Variants in SIGLEC1 observed in about 807,000 individuals in gnomAD.
SIGLEC1 encodes sialic acid binding Ig like lectin 1.
Under a neutral mutation model 148.0 loss-of-function variants are expected in SIGLEC1, and 132 were observed. The observed-to-expected ratio is 0.89, with a 90% CI of 0.77 to 1.03. The LOEUF (loss-of-function observed/expected upper bound fraction) is 1.03, where lower values mean the gene tolerates loss of function less well. Among genes scored for constraint, SIGLEC1 ranks in the 50% least tolerant of loss-of-function variants. The pLI is 0.00. For synonymous variants in SIGLEC1, 945 were observed against 969.0 expected (o/e 0.98, Z 0.46); for missense variants, 2,253 against 2,271.4 (o/e 0.99, Z 0.16).
At chr20:3,688,941 C>T (rs1278807975) in intron 21 of SIGLEC1, 1 of 611,238 alleles carries the variant, frequency 1.6e-6, no homozygotes, top group African/African-American at 1.9e-5. Context: ...TCCCCTAGTC[C>T]TCTAAGCCAG....
intron 19 of SIGLEC1, 36 bp downstream of exon 19, chr20:3,689,926 C>T: frequency 6.4e-7 from 1 of 1,560,634 alleles, no homozygotes; most frequent in Non-Finnish European, 8.8e-7. Flanking sequence ...GGCTTTTGTG[C>T]AGAGTGGCCT....
chr20:3,690,739 A>G (rs1457294144), intron 18 of SIGLEC1, among the ~76,000 whole-genome samples: 3 of 151,956 alleles, frequency 2.0e-5, no homozygotes, highest in Non-Finnish European at 4.4e-5. Context: ...TGAAGGCTGG[A>G]GTGGGAGACC....
rs938400146 is a variant in SIGLEC1 at position 3,693,841 on chromosome 20, T to C, written c.3257-143A>G. On this transcript the variant is annotated intron_variant, in intron 13 of 21. Coordinates refer to ENST00000344754, the MANE Select transcript of SIGLEC1 (RefSeq NM_023068.4). The stretch of plus-strand genomic sequence containing the variant: ...GCCTTGGGTGGCCCACCTATAAATG[T>C]GGCTTAGAAGTCAAGCTTGGGAATA... 7 of 855,232 alleles carry C rather than the reference T, an allele frequency of 8.2e-6. No homozygotes were observed. The African/African-American group carries it at 1.0e-4, about 12-fold the overall frequency. 53.0% of individuals were successfully genotyped at this position (855,232 alleles called of 1,614,324 possible).
rs752719528 is a variant in SIGLEC1, at chr20:3,693,672, C to T, written c.3283G>A (p.Ala1095Thr). The stretch of plus-strand genomic sequence containing the variant: ...ACCAGCTGCCCCTCCCGCACGGTAG[C>T]CCCGGGCCACACCTGCACATTCACA... ...QAVNVQVWPG[A>T]TVREGQLVNL... Residue 1095 changes from alanine to threonine, a missense_variant, in exon 14 of 22, where the codon GCT (alanine) becomes ACT (threonine). By Grantham distance (58) the Ala-to-Thr change is moderately conservative. Coordinates refer to ENST00000344754, the MANE Select transcript of SIGLEC1 (RefSeq NM_023068.4). 3.1e-6 allele frequency: 5 copies of T among 1,598,554 alleles called. No individual in the cohort carries two copies. The South Asian group carries it at 4.6e-5, about 15-fold the overall frequency.
chr20:3,706,160 C>G, intron 3 of SIGLEC1, 120 bp from the exon 4 acceptor site: 1 of 1,296,376 alleles, frequency 7.7e-7, no homozygotes, highest in Non-Finnish European at 1.1e-6. Context: ...AGGAAAGACG[C>G]TTTCTACTCC....
chr20:3,690,146 A>G lies in SIGLEC1; in HGVS notation c.4710T>C (p.Ser1570=). Residue 1570 remains serine (S), a synonymous_variant, in exon 19 of 22, where the codon AGT becomes AGC. Transcript: ENST00000344754. ...GGGGCTGACTGGAGGCCACCAGTCG[A>G]CTGCCAAGGTGGAGAGTCAGGCTGG... ...PLASLTLHLG[S]RLVASSQPQG... is the part of the protein sequence containing the mutation. 6.2e-7 allele frequency: 1 copy of G among 1,602,634 alleles called. No homozygotes were observed. The highest frequency in any genetic ancestry group is 1.3e-5 in the African/African-American group (1 of 74,834).
chr20:3,694,517 A>G lies in SIGLEC1; in HGVS notation c.2960T>C (p.Val987Ala). The part of the protein sequence containing the change: ...SLHVSYAPRH[V>A]TLTTLMDTGP... ...TGTGTCCATCAGGGTAGTGAGTGTGACGTGGCGTGGGGCATCTACACAGGG... is the reference window on the plus strand; with the variant it reads ...TGTGTCCATCAGGGTAGTGAGTGTGGCGTGGCGTGGGGCATCTACACAGGG... The change falls in exon 13 of 22, where the codon GTC (valine) becomes GCC (alanine). Residue 987 changes from valine (V) to alanine (A), a missense_variant. By Grantham distance (64) the Val-to-Ala change is moderately conservative. Transcript: ENST00000344754. 1.3e-6 allele frequency: 2 copies of G among 1,561,626 alleles called. No homozygotes were observed. Among genetic ancestry groups the G allele is most frequent in the Non-Finnish European group, 1.7e-6 (2 of 1,150,786 alleles).
chr20:3,691,529 G>C lies in SIGLEC1; in HGVS notation c.4402C>G (p.Leu1468Val). The change falls in exon 18 of 22, where the codon CTG becomes GTG. Residue 1468 changes from leucine (L) to valine (V), a missense_variant. By Grantham distance (32) the Leu-to-Val change is conservative. Coordinates refer to ENST00000344754, the MANE Select transcript of SIGLEC1 (RefSeq NM_023068.4). ...TTGCCCACAGGCCCAGGGCCACCCA[G>C]GAGGCGGCAGCTGAGGTTCAGGGCA... is the stretch of plus-strand genomic sequence containing the variant. ...GAALNLSCRL[L>V]GGPGPVGNST... 1 of 1,613,236 alleles carries C rather than the reference G, an allele frequency of 6.2e-7. No individual in the cohort carries two copies. Among genetic ancestry groups the C allele is most frequent in the Non-Finnish European group, 8.5e-7 (1 of 1,179,994 alleles).
Position 3,693,377 on chromosome 20 carries a change from CG to C in SIGLEC1, c.3508+69del, listed in dbSNP as rs371037207. Reference sequence around the variant, plus strand: ...TCCCCACTGGACACCTGTCGGGTTCCGGCCATGCCGTGATCCCTGTGGGCTT... The same window carrying C: ...TCCCCACTGGACACCTGTCGGGTTCCGCCATGCCGTGATCCCTGTGGGCTT... On this transcript the variant is annotated intron_variant, in intron 14 of 21. Coordinates refer to ENST00000344754, the MANE Select transcript of SIGLEC1 (RefSeq NM_023068.4). 1.1e-4 allele frequency: 157 copies of C among 1,488,508 alleles called. No homozygotes were observed. The African/African-American group carries it at 1.3e-3, about 12-fold the overall frequency. The allele number at this position is 1,488,508 out of a possible 1,614,324, so 92.2% of individuals were successfully genotyped here. A position where few individuals can be genotyped will look rare whatever the true frequency, so the allele number is the denominator to read the frequency against.
At position 3,705,143 on chromosome 20, in the gene SIGLEC1, T is replaced by C. The variant is rs904502558; in HGVS notation, c.706+601A>G. 9.9e-5 allele frequency among the ~76,000 whole-genome samples: 15 copies of C among 152,128 alleles called. 1 individual carries two copies. The highest frequency in any genetic ancestry group is 8.3e-4 in the South Asian group (4 of 4,822). Reference sequence around the variant, plus strand: ...TCCTTAGTAACTGGGATTACAGGCATATGCCACCACACCCGGCTAATTTTT... The same window carrying C: ...TCCTTAGTAACTGGGATTACAGGCACATGCCACCACACCCGGCTAATTTTT... On this transcript the variant is annotated intron_variant, in intron 4 of 21. Transcript: ENST00000344754.
At position 3,694,369 on chromosome 20, in the gene SIGLEC1, G is replaced by C. The variant is rs760941079; in HGVS notation, c.3108C>G (p.Gly1036=). Residue 1036 remains glycine, a synonymous_variant, in exon 13 of 22, where the codon GGC becomes GGG. Coordinates refer to ENST00000344754, the MANE Select transcript of SIGLEC1 (RefSeq NM_023068.4). ...STLQGVGGPE[G]SSPRLHVAVA... ...CAGCCACATGCAGCCTGGGAGAGCT[G>C]CCTTCGGGTCCCCCCACACCTTGTA... 2 of 1,613,276 alleles carry C rather than the reference G, an allele frequency of 1.2e-6. No homozygotes were observed. Among genetic ancestry groups the C allele is most frequent in the Admixed American group, 3.3e-5 (2 of 60,028 alleles).
intron 9 of SIGLEC1, among the ~76,000 whole-genome samples, 163 bp from the exon 10 acceptor site, chr20:3,697,505 T>C (rs2146524749): frequency 6.6e-6 from 1 of 152,004 alleles, no homozygotes; most frequent in African/African-American, 2.4e-5. Context: ...AAGTGGGCCC[T>C]GGGGACTGTG....
rs779555603 is a variant in SIGLEC1, at chr20:3,706,705, G to A, written c.51C>T (p.Gly17=). 1.2e-4 allele frequency: 185 copies of A among 1,537,370 alleles called. No individual in the cohort carries two copies. The highest frequency in any genetic ancestry group is 1.6e-4 in the Non-Finnish European group (178 of 1,136,326). The part of the protein sequence containing the change: ...LLLLASFFPA[G]QASWGVSSPQ... ...GACTGGAGACGCCCCATGAGGCCTG[G>A]CCTGGGGGAAGAACGGCAGGGGGAC... The change falls in exon 3 of 22, where the codon GGC becomes GGT. Residue 17 remains glycine, a splice_region_variant and synonymous_variant. Coordinates refer to ENST00000344754, the MANE Select transcript of SIGLEC1 (RefSeq NM_023068.4).
chr20:3,703,089 GT>G, intron 6 of SIGLEC1, 107 bp downstream of exon 6: 6 of 1,394,838 alleles, frequency 4.3e-6, no homozygotes, highest in Non-Finnish European at 5.0e-6. Flanking sequence ...CCACCTCCAG[GT>G]AAGTGGCCTT....
rs377572330 is a variant in SIGLEC1, at chr20:3,691,609, G to A, written c.4331-9C>T. The A allele has an allele frequency of 3.0e-5, 49 of 1,609,318 alleles. No homozygotes were observed. Among genetic ancestry groups the A allele is most frequent in the African/African-American group, 1.9e-4 (14 of 74,968 alleles). On this transcript the variant is annotated splice_polypyrimidine_tract_variant and intron_variant, in intron 17 of 21. Coordinates refer to ENST00000344754, the MANE Select transcript of SIGLEC1 (RefSeq NM_023068.4). ...TGCCACCACGCGTGCACCTGCGGGC[G>A]GAGGATAGAGAGATGATTGGGGATC...
rs1265866019 is a variant in SIGLEC1, at chr20:3,688,160, T to G, written c.*400A>C. On this transcript the variant is annotated 3_prime_UTR_variant, in exon 22 of 22. Coordinates refer to ENST00000344754, the MANE Select transcript of SIGLEC1 (RefSeq NM_023068.4). ...TGGTCTCTTGTTAGAGCAGGCTGAC[T>G]GATACTCTGTTGAATACAGAATGCC... 1 of 270,632 alleles carries G rather than the reference T, an allele frequency of 3.7e-6. No individual in the cohort carries two copies. Among genetic ancestry groups the G allele is most frequent in the African/African-American group, 2.3e-5 (1 of 43,660 alleles). The allele number at this position is 270,632 out of a possible 1,614,324, so 16.8% of individuals were successfully genotyped here. A position where few individuals can be genotyped will look rare whatever the true frequency, so the allele number is the denominator to read the frequency against.
rs368530704 is a variant in SIGLEC1 at position 3,706,671 on chromosome 20, C to T, written c.85G>A (p.Val29Met). Residue 29 changes from valine to methionine, a missense_variant, in exon 3 of 22, where the codon GTG becomes ATG. Physicochemically the swap from Val to Met is conservative, Grantham distance 21 (BLOSUM62 1). Transcript: ENST00000344754. Reference sequence around the variant, plus strand: ...AGGCAAGACCCCTTCACACCCTGCACGTCCTGGGGACTGGAGACGCCCCAT... The same window carrying T: ...AGGCAAGACCCCTTCACACCCTGCATGTCCTGGGGACTGGAGACGCCCCAT... Reference protein sequence around the residue: ...ASWGVSSPQDVQGVKGSCLLI... With the variant: ...ASWGVSSPQDMQGVKGSCLLI... 43 of 1,557,340 alleles carry T rather than the reference C, an allele frequency of 2.8e-5. No individual in the cohort carries two copies. Among genetic ancestry groups the T allele is most frequent in the Admixed American group, 7.7e-5 (4 of 51,916 alleles).
intron 13 of SIGLEC1, among the ~76,000 whole-genome samples, chr20:3,693,913 G>A (rs2088792947): frequency 6.6e-6 from 1 of 152,156 alleles, no homozygotes; most frequent in South Asian, 2.1e-4. Flanking sequence ...ACAGAGTCCT[G>A]GAAAGCCCTG....
Position 3,710,240 on chromosome 20 carries a change from C to G in SIGLEC1, c.-110+2230G>C, listed in dbSNP as rs1333056524. On this transcript the variant is annotated intron_variant, in intron 1 of 21. Transcript: ENST00000344754. This position sits in a 1 kb window ranked among gnomAD's most constrained non-coding sequence, Gnocchi z 4.6. ...ATTCCAATGACTACCAGGGGTCACA[C>G]CTGGGAAGGGGGTGAGCCGAGGCCC... is the stretch of plus-strand genomic sequence containing the variant. Among the ~76,000 whole-genome samples the G allele has an allele frequency of 6.6e-6, 1 of 152,134 alleles. No individual in the cohort carries two copies. Among genetic ancestry groups the G allele is most frequent in the Admixed American group, 6.5e-5 (1 of 15,280 alleles).
Sources: allele counts gnomAD v4.1 joint callset (sites outside exome capture counted in the v4.1 genomes callset), GRCh38; gene constraint gnomAD v4.1.1; non-coding constraint Gnocchi (gnomAD v3.1); transcripts MANE v1.5; gene names NCBI Gene and HGNC (gene_info 2026-07-23, HGNC 2026-07-21).